LPAR1: variants seen among roughly 807,000 people sequenced by gnomAD.
The protein encoded by LPAR1 is LPA receptor 1.
In LPAR1, 5 loss-of-function variants were observed where a neutral mutation model predicts 23.8. That is an observed-to-expected ratio of 0.21 (90% CI 0.11 to 0.44). The LOEUF (loss-of-function observed/expected upper bound fraction) is 0.44. Among genes scored for constraint, LPAR1 ranks in the 20% least tolerant of loss-of-function variants. The pLI is 0.99. For missense variants in LPAR1, 311 were observed against 482.8 expected, an observed-to-expected ratio of 0.64 and a Z score of 3.33; for synonymous variants, 160 against 164.7, an observed-to-expected ratio of 0.97 and a Z score of 0.22.
intron 4 of LPAR1, among the ~76,000 whole-genome samples, chr9:110,946,803 T>C (rs767175033): frequency 6.6e-6 from 1 of 152,240 alleles, no homozygotes; most frequent in African/African-American, 2.4e-5. Context: ...AAAATAATTA[T>C]TGAAAGAAGC....
chr9:110,947,990 C>T lies in LPAR1; in HGVS notation c.46-5822G>A, dbSNP rs185422336. On this transcript the variant is annotated intron_variant, in intron 4 of 5. Coordinates refer to ENST00000683809, the MANE Select transcript of LPAR1 (RefSeq NM_001351411.2). ...ACAATAGAGTGAGCCGGGGCGGGGG[C>T]CTGATTTGTAGCTTTGGTTTAGCAG... Among the ~76,000 whole-genome samples the T allele has an allele frequency of 2.0e-5, 3 of 152,232 alleles. No homozygotes were observed. In the East Asian group the frequency reaches 5.8e-4, roughly 29 times the overall value.
chr9:110,961,617 C>CAAAAAAAAAAAA (rs57773067), intron 4 of LPAR1, among the ~76,000 whole-genome samples: 5 of 79,860 alleles, frequency 6.3e-5, no homozygotes, highest in African/African-American at 9.3e-5. Flanking sequence ...GAGACTATCT[C>CAAAAAAAAAAAA]AAAAAAAAAA....
At chr9:110,970,952 A>G (rs1477162071) in intron 4 of LPAR1, among the ~76,000 whole-genome samples, 1 of 152,124 alleles carries the variant, frequency 6.6e-6, no homozygotes, top group Admixed American at 6.6e-5. Context: ...CCTGACCAAC[A>G]TGGTGAAACC....
chr9:110,989,217 TTATC>T (rs1274657088), intron 2 of LPAR1, among the ~76,000 whole-genome samples: 2 of 152,084 alleles, frequency 1.3e-5, no homozygotes, highest in South Asian at 2.1e-4. Context: ...TGATTGCACA[TTATC>T]TATCTATCTA....
At chr9:110,954,736 G>A (rs2095682389) in intron 4 of LPAR1, among the ~76,000 whole-genome samples, 1 of 152,092 alleles carries the variant, frequency 6.6e-6, no homozygotes, top group African/African-American at 2.4e-5. Flanking sequence ...AAAACTGCCA[G>A]TAAAGATACT....
intron 4 of LPAR1, among the ~76,000 whole-genome samples, chr9:110,960,028 G>A (rs2095902798): frequency 6.6e-6 from 1 of 152,080 alleles, no homozygotes. Flanking sequence ...ATAAAGAGGG[G>A]TTAGTTAATG....
chr9:110,970,027 A>C (rs2096364566), intron 4 of LPAR1, among the ~76,000 whole-genome samples: 1 of 152,174 alleles, frequency 6.6e-6, no homozygotes, highest in Non-Finnish European at 1.5e-5. Flanking sequence ...ACGAGAGTAC[A>C]CATTTCCCCC....
intron 5 of LPAR1, among the ~76,000 whole-genome samples, chr9:110,880,036 T>G (rs562336386): frequency 6.6e-6 from 1 of 152,338 alleles, no homozygotes; most frequent in East Asian, 1.9e-4. Context: ...TAATTACATC[T>G]AAATAGGCTC....
chr9:110,897,080 C>A (rs145534202), intron 5 of LPAR1, among the ~76,000 whole-genome samples: 1 of 152,178 alleles, frequency 6.6e-6, no homozygotes. Context: ...ATTTAGTGAA[C>A]TCTTTAATCA....
At chr9:110,978,984 C>T (rs141751050) in intron 2 of LPAR1, among the ~76,000 whole-genome samples, 1 of 152,074 alleles carries the variant, frequency 6.6e-6, no homozygotes, top group East Asian at 1.9e-4. Context: ...GACAGGAGAT[C>T]TATTGCAGTT....
chr9:110,986,957 A>G (rs774694190), intron 2 of LPAR1, among the ~76,000 whole-genome samples: 27 of 151,376 alleles, frequency 1.8e-4, no homozygotes, highest in Non-Finnish European at 3.8e-4. Context: ...TTTGTATACA[A>G]AGTAGGAAAA....
intron 2 of LPAR1, among the ~76,000 whole-genome samples, chr9:111,011,897 A>G (rs2097338171): frequency 6.6e-6 from 1 of 152,182 alleles, no homozygotes; most frequent in Non-Finnish European, 1.5e-5. Flanking sequence ...AATAATAACT[A>G]AAGTCCCCAA....
intron 2 of LPAR1, among the ~76,000 whole-genome samples, chr9:111,009,737 T>C (rs1420459946): frequency 1.3e-5 from 2 of 151,776 alleles, no homozygotes; most frequent in Non-Finnish European, 1.5e-5. Context: ...CATATACCAA[T>C]ACTGTTAACA....
intron 2 of LPAR1, 56 bp from the exon 3 acceptor site, chr9:110,973,614 G>GCT (rs1421134491): frequency 6.6e-6 from 1 of 152,112 alleles, no homozygotes; most frequent in African/African-American, 2.4e-5. Flanking sequence ...AAGAGAGGAT[G>GCT]CTAAATAAGC....
chr9:110,973,523 T>C lies in LPAR1; in HGVS notation c.-146A>G, dbSNP rs1216170122. 2 of 152,238 alleles carry C rather than the reference T, an allele frequency of 1.3e-5. No individual in the cohort carries two copies. Among genetic ancestry groups the C allele is most frequent in the African/African-American group, 4.8e-5 (2 of 41,474 alleles). 9.4% of individuals were successfully genotyped at this position (152,238 alleles called of 1,614,324 possible). A position where few individuals can be genotyped will look rare whatever the true frequency, so the allele number is the denominator to read the frequency against. The stretch of plus-strand genomic sequence containing the variant: ...AGTCCTGAGAAGTCAGGTACTCAGA[T>C]AGGTGGATGGGGAGCTTCATAAATC... On this transcript the variant is annotated 5_prime_UTR_variant, in exon 3 of 6. Transcript: ENST00000683809.
intron 2 of LPAR1, among the ~76,000 whole-genome samples, chr9:110,986,992 A>G (rs1219132973): frequency 6.6e-6 from 1 of 151,936 alleles, no homozygotes; most frequent in East Asian, 1.9e-4. Flanking sequence ...TATTTCTGGT[A>G]TAGGTGAAAC....
intron 4 of LPAR1, among the ~76,000 whole-genome samples, chr9:110,960,675 C>A (rs1157987852): frequency 1.3e-5 from 2 of 152,022 alleles, no homozygotes; most frequent in Non-Finnish European, 2.9e-5. Flanking sequence ...TGAATTCAGT[C>A]TGAGCCATTA....
At chr9:111,016,311 C>T (rs1564348226) in intron 2 of LPAR1, among the ~76,000 whole-genome samples, 1 of 152,148 alleles carries the variant, frequency 6.6e-6, no homozygotes, top group Non-Finnish European at 1.5e-5. Flanking sequence ...ACATGAAGTG[C>T]CAATGAAAAC....
chr9:111,019,778 G>A (rs1337886094), intron 2 of LPAR1, among the ~76,000 whole-genome samples: 1 of 152,182 alleles, frequency 6.6e-6, no homozygotes, highest in African/African-American at 2.4e-5. Context: ...CTGGGAGGTG[G>A]AGATTGCAGT....
Sources: allele counts gnomAD v4.1 joint callset (sites outside exome capture counted in the v4.1 genomes callset), GRCh38; gene constraint gnomAD v4.1.1; transcripts MANE v1.5; gene names NCBI Gene and HGNC (gene_info 2026-07-23, HGNC 2026-07-21).